The following EFCAB7 variants were observed in gnomAD, a reference collection of about 807,000 sequenced individuals.
EFCAB7 encodes the protein EF-hand calcium-binding domain-containing protein 7.
Under a neutral mutation model 77.1 loss-of-function variants are expected in EFCAB7, and 66 were observed. The ratio of observed to expected loss-of-function variants is 0.86; its 90% confidence interval spans 0.70 to 1.05. EFCAB7 has a LOEUF of 1.05. EFCAB7 is among the 50% of genes least tolerant of loss of function. The pLI, the probability that EFCAB7 is intolerant of heterozygous loss-of-function variation, is 0.00. For missense variants in EFCAB7, 638 were observed against 730.5 expected, an observed-to-expected ratio of 0.87 and a Z score of 1.46; for synonymous variants, 225 against 243.3, an observed-to-expected ratio of 0.92 and a Z score of 0.70.
intron 7 of EFCAB7, chr1:63,549,124 G>T: frequency 3.5e-6 from 1 of 284,814 alleles, no homozygotes; most frequent in South Asian, 3.5e-5. Flanking sequence ...GCCAAGGCTG[G>T]CGCAGTCGGT....
chr1:63,578,017 A>G, the EFCAB7 span, among the ~76,000 whole-genome samples: 4 of 152,246 alleles, frequency 2.6e-5, no homozygotes, highest in Non-Finnish European at 4.4e-5. Flanking sequence ...GAAATGAGGC[A>G]TAGTCTTTAA....
intron 11 of EFCAB7, among the ~76,000 whole-genome samples, chr1:63,568,051 AAAG>A (rs144415962): frequency 0.012 from 1,811 of 152,020 alleles, 39 homozygotes; most frequent in African/African-American, 0.042. Flanking sequence ...ATTATGGTTT[AAAG>A]AAGGTGGTAT....
intron 6 of EFCAB7, among the ~76,000 whole-genome samples, chr1:63,536,472 C>G (rs1424095933): frequency 6.6e-6 from 1 of 152,166 alleles, no homozygotes; most frequent in East Asian, 1.9e-4. Context: ...CCTCCACCTT[C>G]CAGGTTCAAG....
rs1646771120 is a variant in EFCAB7 at position 63,536,999 on chromosome 1, ATTG to A, written c.804+2788_804+2790del. On this transcript the variant is annotated intron_variant, in intron 6 of 13. Transcript: ENST00000371088. Reference sequence around the variant, plus strand: ...GGAGGGACTTTTCAGAAATTAGAAAATTGTTGTGATAGATAAGGGTAAGCCATG... The same window carrying A: ...GGAGGGACTTTTCAGAAATTAGAAAATTGTGATAGATAAGGGTAAGCCATG... Among the ~76,000 whole-genome samples, 4 of 152,294 alleles carry A rather than the reference ATTG, an allele frequency of 2.6e-5. No homozygotes were observed. In the South Asian group the frequency reaches 8.3e-4, roughly 32 times the overall value.
chr1:63,567,499 G>C (rs1438827382), intron 11 of EFCAB7, among the ~76,000 whole-genome samples: 4 of 152,032 alleles, frequency 2.6e-5, no homozygotes, highest in Admixed American at 6.6e-5. Flanking sequence ...CAACTCAAAG[G>C]CTGAAGTAGA....
At chr1:63,581,264 G>A in the EFCAB7 span, among the ~76,000 whole-genome samples, 1 of 151,436 alleles carries the variant, frequency 6.6e-6, no homozygotes, top group Admixed American at 6.6e-5. Flanking sequence ...TTTGCTGAGA[G>A]TTTTTATTAA....
intron 6 of EFCAB7, among the ~76,000 whole-genome samples, chr1:63,541,448 A>C (rs1248459864): frequency 6.6e-6 from 1 of 152,250 alleles, no homozygotes; most frequent in African/African-American, 2.4e-5. Flanking sequence ...ATTATTCATC[A>C]GAAGAAAAGC....
chr1:63,582,511 G>C, the EFCAB7 span, among the ~76,000 whole-genome samples: 1 of 152,226 alleles, frequency 6.6e-6, no homozygotes, highest in East Asian at 1.9e-4. Context: ...TGGAAATGCA[G>C]CTTTTATGTG....
intron 8 of EFCAB7, among the ~76,000 whole-genome samples, chr1:63,554,581 C>T (rs2100909054): frequency 6.6e-6 from 1 of 152,318 alleles, no homozygotes; most frequent in East Asian, 1.9e-4. Context: ...ATCAAATGAT[C>T]CACCCACCTT....
rs781348256 is a variant in EFCAB7 at position 63,557,184 on chromosome 1, A to C, written c.1285A>C (p.Asn429His). 1.2e-6 allele frequency: 2 copies of C among 1,610,840 alleles called. No homozygotes were observed. The highest frequency in any genetic ancestry group is 1.7e-6 in the Non-Finnish European group (2 of 1,179,118). ...TGGTCTTCTTAGCCTTGAAGAATAT[A>C]ATTTTTTTGAATTGAGAACAAGTGG... ...GNGLLSLEEY[N>H]FFELRTSGEK... The change falls in exon 10 of 14, where the codon AAT becomes CAT. Residue 429 changes from asparagine to histidine, a missense_variant. By Grantham distance (68) the Asn-to-His change is moderately conservative (BLOSUM62 1). Coordinates refer to ENST00000371088, the MANE Select transcript of EFCAB7 (RefSeq NM_032437.4).
the EFCAB7 span, among the ~76,000 whole-genome samples, chr1:63,579,068 G>A: frequency 1.3e-5 from 2 of 151,794 alleles, no homozygotes; most frequent in East Asian, 3.9e-4. Flanking sequence ...CAGTAAATTT[G>A]ACCCTTTTTT....
downstream of EFCAB7, among the ~76,000 whole-genome samples, chr1:63,575,771 A>G (rs1271487249): frequency 6.7e-6 from 1 of 149,636 alleles, no homozygotes; most frequent in Non-Finnish European, 1.5e-5. Flanking sequence ...TTTTTTTTGT[A>G]GAGGTGGGGT....
At chr1:63,577,833 C>T in the EFCAB7 span, among the ~76,000 whole-genome samples, 1 of 152,046 alleles carries the variant, frequency 6.6e-6, no homozygotes, top group Non-Finnish European at 1.5e-5. Context: ...GAGGGGAAGG[C>T]TTGACCAATT....
intron 9 of EFCAB7, 50 bp from the exon 10 acceptor site, chr1:63,557,064 G>C (rs769092467): frequency 4.3e-6 from 6 of 1,386,582 alleles, no homozygotes; most frequent in Admixed American, 2.5e-5. Context: ...CCCTTCTTCA[G>C]CGTAGTTGCC....
downstream of EFCAB7, chr1:63,572,771 G>T: frequency 7.4e-6 from 5 of 672,610 alleles, no homozygotes; most frequent in Non-Finnish European, 9.3e-6. Flanking sequence ...TTTCACCTGG[G>T]TGCAGGTGGG....
the EFCAB7 span, among the ~76,000 whole-genome samples, chr1:63,583,059 C>A: frequency 6.6e-6 from 1 of 150,704 alleles, no homozygotes; most frequent in Admixed American, 6.6e-5. Context: ...TTCTCAGATA[C>A]TATTAAGAAA....
chr1:63,567,116 T>C (rs1647180964), intron 11 of EFCAB7, among the ~76,000 whole-genome samples: 1 of 152,154 alleles, frequency 6.6e-6, no homozygotes, highest in South Asian at 2.1e-4. Context: ...CCTGCCCTTA[T>C]GAAATTTATA....
chr1:63,557,501 G>A (rs931194456), intron 10 of EFCAB7, among the ~76,000 whole-genome samples: 1 of 152,042 alleles, frequency 6.6e-6, no homozygotes, highest in African/African-American at 2.4e-5. Flanking sequence ...TCTACTCTTC[G>A]GGGTTTAGAA....
chr1:63,539,795 A>C (rs1304799478), intron 6 of EFCAB7, among the ~76,000 whole-genome samples: 1 of 152,250 alleles, frequency 6.6e-6, no homozygotes, highest in African/African-American at 2.4e-5. Flanking sequence ...ATCTGATGCT[A>C]TAATCAAAAC....
Sources: gnomAD v4.1 joint callset for allele counts (sites outside exome capture counted in the v4.1 genomes callset) on GRCh38, gnomAD v4.1.1 for gene constraint, MANE v1.5 for transcripts, NCBI Gene and HGNC (gene_info 2026-07-23, HGNC 2026-07-21) for gene names.